CHD9: variants seen among roughly 807,000 people sequenced by gnomAD.
CHD9 encodes the protein ATP-dependent chromatin remodeler CHD9.
CHD9 carries 77 observed loss-of-function variants against 316.1 expected under a neutral mutation model. The ratio of observed to expected loss-of-function variants is 0.24; its 90% CI spans 0.20 to 0.29. The LOEUF (loss-of-function observed/expected upper bound fraction) is 0.29, where lower values mean the gene tolerates loss of function less well. Among genes scored for constraint, CHD9 ranks in the 10% least tolerant of loss-of-function variants. The pLI, the probability that CHD9 is intolerant of heterozygous loss-of-function variation, is 1.00. For synonymous variants in CHD9, 1,129 were observed against 1,158.3 expected, an observed-to-expected ratio of 0.97 and a Z score of 0.51; for missense variants, 2,763 against 3,438.1, an observed-to-expected ratio of 0.80 and a Z score of 4.91.
chr16:53,173,561 T>G (rs977740751), intron 2 of CHD9, among the ~76,000 whole-genome samples: 2 of 152,164 alleles, frequency 1.3e-5, no homozygotes, highest in African/African-American at 2.4e-5. Flanking sequence ...TTTTTTTTTT[T>G]TAAGACGGAG....
At chr16:53,159,951 AT>A (rs1369006530) in intron 2 of CHD9, among the ~76,000 whole-genome samples, 2 of 152,116 alleles carry the variant, frequency 1.3e-5, no homozygotes, top group Non-Finnish European at 2.9e-5. Context: ...ATTTCAGCAT[AT>A]TTTTTGAAAT....
At chr16:53,217,687 A>ATTATAGATTT (rs2046873014) in intron 3 of CHD9, among the ~76,000 whole-genome samples, 1 of 152,206 alleles carries the variant, frequency 6.6e-6, no homozygotes, top group Admixed American at 6.5e-5. Context: ...ATAAATTGGT[A>ATTATAGATTT]AGGTTTACAG....
At position 53,323,094 on chromosome 16, in the gene CHD9, T is replaced by C. The variant is rs1488181176; in HGVS notation, c.7819-926T>C. ...CCCTCAGTAGCCACAAATAGGCACA[T>C]GTGGCTGTTGAGCACTTGAAATGTG... On this transcript the variant is annotated intron_variant, in intron 38 of 38. Transcript: ENST00000447540. Among the ~76,000 whole-genome samples the C allele has an allele frequency of 2.6e-5, 4 of 152,222 alleles. No homozygotes were observed. The East Asian group carries it at 7.7e-4, about 29-fold the overall frequency.
chr16:53,309,575 T>C (rs2056287695), intron 34 of CHD9, among the ~76,000 whole-genome samples: 1 of 152,216 alleles, frequency 6.6e-6, no homozygotes, highest in Non-Finnish European at 1.5e-5. Flanking sequence ...GGTGGTGCCC[T>C]GTGCTGTGTA....
At chr16:53,088,247 T>C (rs948936014) in intron 1 of CHD9, among the ~76,000 whole-genome samples, 6 of 150,070 alleles carry the variant, frequency 4.0e-5, no homozygotes, top group African/African-American at 1.5e-4. Flanking sequence ...CCTGAAACAA[T>C]CACTGTAATC....
At chr16:53,096,444 T>C (rs1340385781) in intron 1 of CHD9, among the ~76,000 whole-genome samples, 1 of 152,200 alleles carries the variant, frequency 6.6e-6, no homozygotes, top group African/African-American at 2.4e-5. Context: ...CCAGGTGCTA[T>C]ATTAACTGAC....
chr16:53,276,119 C>T (rs544434619), intron 24 of CHD9, among the ~76,000 whole-genome samples: 2 of 152,182 alleles, frequency 1.3e-5, no homozygotes, highest in Non-Finnish European at 2.9e-5. Flanking sequence ...CCTCTTTCCT[C>T]ATTATTCAAC....
intron 1 of CHD9, among the ~76,000 whole-genome samples, chr16:53,146,328 G>A (rs1330292760): frequency 1.4e-5 from 2 of 146,364 alleles, no homozygotes; most frequent in Non-Finnish European, 3.0e-5. Flanking sequence ...GGGAGGCAGA[G>A]GTTGCAGTGA....
chr16:53,283,975 T>A (rs1404070534), intron 24 of CHD9, among the ~76,000 whole-genome samples: 3 of 152,148 alleles, frequency 2.0e-5, no homozygotes, highest in Non-Finnish European at 2.9e-5. Flanking sequence ...ACTGCCATTG[T>A]CTTCTATCTC....
At chr16:53,288,078 T>G (rs2054033431) in intron 27 of CHD9, 64 bp downstream of exon 27, 1 of 1,230,688 alleles carries the variant, frequency 8.1e-7, no homozygotes, top group African/African-American at 1.5e-5. Context: ...TTGTGTTTGC[T>G]TTTTCTTTTG....
intron 24 of CHD9, among the ~76,000 whole-genome samples, chr16:53,274,568 G>A (rs1472516803): frequency 2.6e-5 from 4 of 152,150 alleles, no homozygotes; most frequent in Non-Finnish European, 5.9e-5. Flanking sequence ...CAATTCTCCT[G>A]CCTCAGCCTC....
At chr16:53,288,485 G>A (rs193278925) in intron 27 of CHD9, among the ~76,000 whole-genome samples, 1 of 152,328 alleles carries the variant, frequency 6.6e-6, no homozygotes, top group East Asian at 1.9e-4. Context: ...TGAAAGTACA[G>A]AAAATAATCT....
At chr16:53,182,780 A>T (rs1369829451) in intron 2 of CHD9, among the ~76,000 whole-genome samples, 1 of 152,148 alleles carries the variant, frequency 6.6e-6, no homozygotes, top group Non-Finnish European at 1.5e-5. Flanking sequence ...TAATTATTTT[A>T]AGTGATATTT....
At chr16:53,298,085 A>G (rs72799644) in intron 30 of CHD9, 4,746 of 152,332 alleles carry the variant, frequency 0.031, 107 homozygotes, top group Middle Eastern at 0.054. Flanking sequence ...TCTAGTTTTA[A>G]AAGGGAAAGA....
At chr16:53,151,301 G>A (rs1240774552) in intron 1 of CHD9, among the ~76,000 whole-genome samples, 2 of 144,962 alleles carry the variant, frequency 1.4e-5, no homozygotes, top group African/African-American at 5.1e-5. Context: ...ACCCAGGCTG[G>A]AGTACAGTGG....
chr16:53,316,736 G>C (rs917634154), intron 36 of CHD9, among the ~76,000 whole-genome samples: 1 of 152,090 alleles, frequency 6.6e-6, no homozygotes, highest in Non-Finnish European at 1.5e-5. Context: ...CTATAATAAA[G>C]TTATGTATAA....
rs1045483790 is a variant in CHD9 at position 53,186,456 on chromosome 16, C to T, written c.1453-23026C>T. On this transcript the variant is annotated intron_variant, in intron 2 of 38. Transcript: ENST00000447540. ...TAACTGGCTTTTGATTTTACAGGCT[C>T]ATAGGTGGAAGGGACTTGCCTTGTG... Among the ~76,000 whole-genome samples the T allele has an allele frequency of 3.3e-5, 5 of 152,224 alleles. 1 individual carries two copies. The highest frequency in any genetic ancestry group is 3.3e-4 in the Admixed American group (5 of 15,292).
chr16:53,322,355 C>G (rs974683305), intron 38 of CHD9, among the ~76,000 whole-genome samples: 2 of 151,624 alleles, frequency 1.3e-5, no homozygotes, highest in Non-Finnish European at 2.9e-5. Flanking sequence ...CCCCTGTAAT[C>G]CCAGCACCTT....
intron 11 of CHD9, among the ~76,000 whole-genome samples, chr16:53,236,588 CTT>C (rs571601525): frequency 6.6e-6 from 1 of 151,626 alleles, no homozygotes; most frequent in African/African-American, 2.4e-5. Context: ...CTCTCTCTCT[CTT>C]TCTCTTTCTC....
Sources: allele counts gnomAD v4.1 joint callset (sites outside exome capture counted in the v4.1 genomes callset), GRCh38; gene constraint gnomAD v4.1.1; transcripts MANE v1.5; gene names NCBI Gene and HGNC (gene_info 2026-07-23, HGNC 2026-07-21).